TNRC6B: variants seen among roughly 807,000 people sequenced by gnomAD.
The protein encoded by TNRC6B is trinucleotide repeat containing adaptor 6B, also known as trinucleotide repeat-containing gene 6B protein.
Under a neutral mutation model 203.6 loss-of-function variants are expected in TNRC6B, and 52 were observed. The observed-to-expected ratio is 0.26, with a 90% confidence interval of 0.20 to 0.32. The LOEUF is 0.32. TNRC6B is among the 10% of genes least tolerant of loss of function. The probability of loss-of-function intolerance (pLI) is 1.00; values close to 1 mark genes in which losing one functional copy is unlikely to be tolerated. For synonymous variants in TNRC6B, 838 were observed against 845.7 expected (o/e 0.99, Z 0.16); for missense variants, 1,923 against 2,286.2 (o/e 0.84, Z 3.24).
chr22:40,285,285 C>T (rs192373327), intron 11 of TNRC6B, among the ~76,000 whole-genome samples: 1 of 152,260 alleles, frequency 6.6e-6, no homozygotes, highest in Admixed American at 6.5e-5. Context: ...CAAGATGGAG[C>T]TCAGATTATA....
chr22:40,199,828 C>G (rs1351415667), intron 1 of TNRC6B, among the ~76,000 whole-genome samples: 2 of 151,940 alleles, frequency 1.3e-5, no homozygotes, highest in African/African-American at 4.8e-5. Context: ...GAGTCTGGCT[C>G]TGTCGCCCAG....
At chr22:40,051,135 T>C (rs1156247675) in intron 1 of TNRC6B, among the ~76,000 whole-genome samples, 1 of 152,184 alleles carries the variant, frequency 6.6e-6, no homozygotes, top group Non-Finnish European at 1.5e-5. Context: ...TCCTGTAGTT[T>C]CTGGTAGCCT....
Position 40,330,035 on chromosome 22 carries a change from C to A in TNRC6B, c.*6794C>A, listed in dbSNP as rs1399773905. 1.3e-5 allele frequency: 2 copies of A among 152,190 alleles called. No individual in the cohort carries two copies. The highest frequency in any genetic ancestry group is 2.9e-5 in the Non-Finnish European group (2 of 68,040). The allele number at this position is 152,190 out of a possible 1,614,324, so 9.4% of individuals were successfully genotyped here. ...AGATCAGATAAATAGGCAAGAAGTACTCTGTTTTAAATAAAGAATAAATAG... is the reference window on the plus strand; with the variant it reads ...AGATCAGATAAATAGGCAAGAAGTAATCTGTTTTAAATAAAGAATAAATAG... On this transcript the variant is annotated 3_prime_UTR_variant, in exon 23 of 23. Coordinates refer to ENST00000454349, the MANE Select transcript of TNRC6B (RefSeq NM_001162501.2).
Position 40,246,079 on chromosome 22 carries a change from A to C in TNRC6B, c.70A>C (p.Lys24Gln). 1 of 1,549,388 alleles carries C rather than the reference A, an allele frequency of 6.5e-7. No individual in the cohort carries two copies. Among genetic ancestry groups the C allele is most frequent in the Non-Finnish European group, 8.7e-7 (1 of 1,146,144 alleles). ...EDKKRKKEDK[K>Q]KKEATQKVTE... Reference sequence around the variant, plus strand: ...CAAGAAAAGGAAGAAAGAGGATAAAAAGAAAAAAGAAGCCACTCAGAAGGT... The same window carrying C: ...CAAGAAAAGGAAGAAAGAGGATAAACAGAAAAAAGAAGCCACTCAGAAGGT... Residue 24 changes from lysine (K) to glutamine (Q), a missense_variant, in exon 2 of 23, where the codon AAG (lysine) becomes CAG (glutamine). Physicochemically the swap from Lys to Gln is moderately conservative, Grantham distance 53. This residue lies in a region of TNRC6B where 111 missense variants were observed against 155.3 expected (regional missense o/e 0.71). Coordinates refer to ENST00000454349, the MANE Select transcript of TNRC6B (RefSeq NM_001162501.2).
At chr22:40,114,106 T>C (rs1386475138) in intron 1 of TNRC6B, among the ~76,000 whole-genome samples, 1 of 152,134 alleles carries the variant, frequency 6.6e-6, no homozygotes, top group African/African-American at 2.4e-5. Flanking sequence ...ATTTTTAAAA[T>C]GAGAATTTAA....
At chr22:40,225,588 T>TA (rs1439070217) in intron 1 of TNRC6B, among the ~76,000 whole-genome samples, 1 of 151,660 alleles carries the variant, frequency 6.6e-6, no homozygotes, top group East Asian at 1.9e-4. Context: ...TAAAATAAAA[T>TA]AAAACTTAGC....
chr22:40,103,633 C>T (rs1319665195), intron 1 of TNRC6B, among the ~76,000 whole-genome samples: 2 of 151,136 alleles, frequency 1.3e-5, no homozygotes, highest in Admixed American at 6.6e-5. Flanking sequence ...AGTAATAATT[C>T]TTTTTTTTTC....
At chr22:40,248,257 A>G (rs2146474348) in intron 2 of TNRC6B, among the ~76,000 whole-genome samples, 1 of 152,170 alleles carries the variant, frequency 6.6e-6, no homozygotes, top group East Asian at 1.9e-4. Flanking sequence ...CACACATTGC[A>G]CCCTCCACCT....
chr22:40,241,707 C>T (rs1201033828), intron 1 of TNRC6B, among the ~76,000 whole-genome samples: 2 of 152,170 alleles, frequency 1.3e-5, no homozygotes, highest in Non-Finnish European at 1.5e-5. Flanking sequence ...CAGGCTTCTC[C>T]TTGACGTAAT....
chr22:40,293,351 G>A (rs1396526694), intron 12 of TNRC6B, among the ~76,000 whole-genome samples: 1 of 151,880 alleles, frequency 6.6e-6, no homozygotes, highest in African/African-American at 2.4e-5. Context: ...CAGCCACCAT[G>A]CCTGGCTAAT....
chr22:40,294,018 C>G (rs2070904284), intron 12 of TNRC6B, among the ~76,000 whole-genome samples: 1 of 134,356 alleles, frequency 7.4e-6, no homozygotes, highest in African/African-American at 2.8e-5. Flanking sequence ...GAGACAGGCA[C>G]TTGAGCCTAG....
At chr22:40,119,344 G>A (rs1162842451) in intron 2 of TNRC6B, among the ~76,000 whole-genome samples, 1 of 152,224 alleles carries the variant, frequency 6.6e-6, no homozygotes, top group East Asian at 1.9e-4. Flanking sequence ...AGCACTTTGG[G>A]AGGCCTAGGC....
chr22:40,308,626 A>G lies in TNRC6B; in HGVS notation c.4235A>G (p.Gln1412Arg). 6.2e-7 allele frequency: 1 copy of G among 1,613,636 alleles called. No homozygotes were observed. Among genetic ancestry groups the G allele is most frequent in the East Asian group, 2.2e-5 (1 of 44,888 alleles). ...MMEGLPSVAT[Q>R]EANMHKNGAI... ...GAGGGGCTGCCCTCTGTAGCCACAC[A>G]GGAAGCCAATATGCACAAAAATGGT... Residue 1412 changes from glutamine to arginine, a missense_variant, in exon 16 of 23, where the codon CAG (glutamine) becomes CGG (arginine). By Grantham distance (43) the Gln-to-Arg change is conservative. Coordinates refer to ENST00000454349, the MANE Select transcript of TNRC6B (RefSeq NM_001162501.2).
rs915474758 is a variant in TNRC6B at position 40,149,804 on chromosome 22, C to CT, written c.46-6301dup. ...GTATGTGTCAAAACTAAAAATTGTA[C>CT]TTTTTTTTTTAAGAGACAGGGTCTC... On this transcript the variant is annotated intron_variant, in intron 3 of 23. Transcript: ENST00000301923. Among the ~76,000 whole-genome samples the CT allele has an allele frequency of 1.2e-4, 17 of 142,978 alleles. No homozygotes were observed. In the South Asian group the frequency reaches 1.6e-3, roughly 14 times the overall value. The allele number at this position is 142,978 out of a possible 152,430, so 93.8% of individuals were successfully genotyped here. A position where few individuals can be genotyped will look rare whatever the true frequency, so the allele number is the denominator to read the frequency against.
In TNRC6B at chr22:40,301,010, G is replaced by A. The variant is rs763779578; in HGVS notation, c.3936+5G>A. On this transcript the variant is annotated splice_donor_5th_base_variant and intron_variant, in intron 14 of 22. Coordinates refer to ENST00000454349, the MANE Select transcript of TNRC6B (RefSeq NM_001162501.2). ...CGCCAACAGCAAGAGCAGCAGGTAC[G>A]TGGGTAGGCAGGGTCCCTCCAGTGC... The A allele has an allele frequency of 2.2e-5, 35 of 1,610,914 alleles. No homozygotes were observed. The East Asian group carries it at 2.2e-4, about 10-fold the overall frequency.
intron 1 of TNRC6B, among the ~76,000 whole-genome samples, chr22:40,239,610 G>A (rs899104758): frequency 6.6e-6 from 1 of 152,162 alleles, no homozygotes; most frequent in African/African-American, 2.4e-5. Flanking sequence ...AAATGTAAAA[G>A]CTAGAACTGT....
chr22:40,266,952 A>C lies in TNRC6B; in HGVS notation c.2722A>C (p.Asn908His). The change falls in exon 5 of 23, where the codon AAT becomes CAT. Residue 908 changes from asparagine (N) to histidine (H), a missense_variant. Physicochemically the swap from Asn to His is moderately conservative, Grantham distance 68. Around this residue, in one of 8 missense-constraint regions of TNRC6B, gnomAD observed 599 missense variants for 656.5 expected, o/e 0.91. Transcript: ENST00000454349. ...DPNSYNYKNV[N>H]LWDKNSQGGP... Reference sequence around the variant, plus strand: ...TAACAGTTATAACTACAAGAATGTGAATCTGTGGGATAAGAATTCCCAAGG... The same window carrying C: ...TAACAGTTATAACTACAAGAATGTGCATCTGTGGGATAAGAATTCCCAAGG... 1 of 1,613,716 alleles carries C rather than the reference A, an allele frequency of 6.2e-7. No homozygotes were observed. Among genetic ancestry groups the C allele is most frequent in the Non-Finnish European group, 8.5e-7 (1 of 1,179,788 alleles).
At position 40,055,741 on chromosome 22, in the gene TNRC6B, T is replaced by A. The variant is rs557045766; in HGVS notation, c.-121+10743T>A. Among the ~76,000 whole-genome samples the A allele has an allele frequency of 5.9e-5, 9 of 152,310 alleles. No individual in the cohort carries two copies. In the South Asian group the frequency reaches 8.3e-4, roughly 14 times the overall value. ...GTGGTGACTCATTTAAGCTTATCTG[T>A]AGGAGCAGAGAGTGTAAAGGAAGTG... On this transcript the variant is annotated intron_variant, in intron 1 of 23. Transcript: ENST00000301923.
chr22:40,198,143 G>A (rs1171058603), intron 1 of TNRC6B, among the ~76,000 whole-genome samples: 3 of 152,008 alleles, frequency 2.0e-5, no homozygotes, highest in Non-Finnish European at 4.4e-5. Flanking sequence ...ATAATTAAAG[G>A]CAAGTACATG....
Sources: gnomAD v4.1 joint callset for allele counts (sites outside exome capture counted in the v4.1 genomes callset) on GRCh38, gnomAD v4.1.1 for gene constraint, gnomAD v4.1.1 regional missense constraint, MANE v1.5 for transcripts, NCBI Gene and HGNC (gene_info 2026-07-23, HGNC 2026-07-21) for gene names.